The following ANKS1A variants were observed in gnomAD, a reference collection of about 807,000 sequenced individuals.
The protein encoded by ANKS1A is ankyrin repeat and sterile alpha motif domain containing 1A, also known as ankyrin repeat and SAM domain-containing protein 1A.
Under a neutral mutation model 120.3 loss-of-function variants are expected in ANKS1A, and 55 were observed. The observed-to-expected ratio is 0.46, with a 90% CI of 0.37 to 0.57. The LOEUF (loss-of-function observed/expected upper bound fraction) is 0.57, where lower values mean the gene tolerates loss of function less well. Ranked by LOEUF, ANKS1A falls within the 20% of genes least tolerant of loss-of-function variation. The pLI is 0.00. For synonymous variants in ANKS1A, 590 were observed against 604.7 expected (o/e 0.98, Z 0.36); for missense variants, 1,123 against 1,480.3 (o/e 0.76, Z 3.96).
Position 35,089,000 on chromosome 6 carries a change from G to C in ANKS1A, c.*391G>C, listed in dbSNP as rs1778153553. Reference sequence around the variant, plus strand: ...GCAGAGGACAGGGGAGCTGAGGTTGGTTCAGAGGCCAGCCTGCATAGCCTC... The same window carrying C: ...GCAGAGGACAGGGGAGCTGAGGTTGCTTCAGAGGCCAGCCTGCATAGCCTC... On this transcript the variant is annotated 3_prime_UTR_variant, in exon 24 of 24. Coordinates refer to ENST00000360359, the MANE Select transcript of ANKS1A (RefSeq NM_015245.3). 4 of 1,166,882 alleles carry C rather than the reference G, an allele frequency of 3.4e-6. No individual in the cohort carries two copies. In the South Asian group the frequency reaches 8.6e-5, roughly 25 times the overall value. 72.3% of individuals were successfully genotyped at this position (1,166,882 alleles called of 1,614,324 possible).
intron 12 of ANKS1A, among the ~76,000 whole-genome samples, chr6:35,056,537 C>T (rs1776234388): frequency 6.6e-6 from 1 of 152,172 alleles, no homozygotes. Context: ...ATCCACCCTC[C>T]TCGGCCTCCC....
chr6:34,946,630 A>G (rs1481617593), intron 1 of ANKS1A, among the ~76,000 whole-genome samples: 1 of 151,524 alleles, frequency 6.6e-6, no homozygotes, highest in Non-Finnish European at 1.5e-5. Flanking sequence ...GATGTTTATC[A>G]ATTTCATTGA....
chr6:34,955,758 A>G (rs1199137743), intron 1 of ANKS1A, among the ~76,000 whole-genome samples: 3 of 152,158 alleles, frequency 2.0e-5, no homozygotes, highest in East Asian at 3.9e-4. Flanking sequence ...CTGCATGTCT[A>G]AAAATATCCA....
chr6:35,043,992 G>A (rs1228026381), intron 11 of ANKS1A, among the ~76,000 whole-genome samples: 2 of 152,164 alleles, frequency 1.3e-5, no homozygotes, highest in East Asian at 1.9e-4. Context: ...GAGTCTCTTC[G>A]AAGTACTTAC....
intron 14 of ANKS1A, among the ~76,000 whole-genome samples, chr6:35,079,168 G>A (rs970988713): frequency 1.3e-5 from 2 of 152,294 alleles, no homozygotes; most frequent in East Asian, 1.9e-4. Flanking sequence ...CTTGGGAAGC[G>A]CCCGCTCTGA....
At chr6:35,020,121 T>C (rs1463621853) in intron 11 of ANKS1A, among the ~76,000 whole-genome samples, 1 of 151,962 alleles carries the variant, frequency 6.6e-6, no homozygotes, top group East Asian at 1.9e-4. Context: ...TTGCACCAGG[T>C]AGTGAGAGGG....
chr6:35,080,643 G>A (rs1010596541), intron 16 of ANKS1A, among the ~76,000 whole-genome samples: 7 of 152,248 alleles, frequency 4.6e-5, no homozygotes, highest in Non-Finnish European at 8.8e-5. Flanking sequence ...TGAGAAGCCA[G>A]GATTGTATTC....
At chr6:34,926,131 C>T (rs183417735) in intron 1 of ANKS1A, among the ~76,000 whole-genome samples, 5 of 152,294 alleles carry the variant, frequency 3.3e-5, no homozygotes, top group Non-Finnish European at 7.4e-5. Flanking sequence ...GTAGTTCCCT[C>T]TGTGGTATGG....
Position 35,088,905 on chromosome 6 carries a change from A to T in ANKS1A, c.*296A>T, listed in dbSNP as rs1403757700. ...TTTAACAGAAAAAAAATCTTTTTAT[A>T]AAATGAACTTTTAACACTTGGCTCA... On this transcript the variant is annotated 3_prime_UTR_variant, in exon 24 of 24. Transcript: ENST00000360359. 1 of 1,390,244 alleles carries T rather than the reference A, an allele frequency of 7.2e-7. No individual in the cohort carries two copies. Among genetic ancestry groups the T allele is most frequent in the African/African-American group, 1.5e-5 (1 of 68,766 alleles). 86.1% of individuals were successfully genotyped at this position (1,390,244 alleles called of 1,614,324 possible).
chr6:34,936,358 G>A (rs1456588494), intron 1 of ANKS1A, among the ~76,000 whole-genome samples: 2 of 152,192 alleles, frequency 1.3e-5, no homozygotes, highest in African/African-American at 4.8e-5. Context: ...GGAGGCCTTT[G>A]GAGGGCCTTT....
chr6:35,014,800 T>G (rs1773920142), intron 10 of ANKS1A, among the ~76,000 whole-genome samples: 1 of 152,212 alleles, frequency 6.6e-6, no homozygotes, highest in Admixed American at 6.5e-5. Context: ...CATTGTACCT[T>G]GGGCCAGGAT....
At chr6:35,078,000 T>C (rs527836104) in intron 13 of ANKS1A, among the ~76,000 whole-genome samples, 1 of 152,260 alleles carries the variant, frequency 6.6e-6, no homozygotes, top group South Asian at 2.1e-4. Flanking sequence ...AGTGGAGGTC[T>C]CAGAAAACAG....
intron 1 of ANKS1A, among the ~76,000 whole-genome samples, chr6:34,964,359 C>G (rs1770792913): frequency 6.6e-6 from 1 of 152,166 alleles, no homozygotes; most frequent in Non-Finnish European, 1.5e-5. Context: ...AGGAAAGTCT[C>G]TCTTCATCAT....
In ANKS1A at chr6:35,091,236, A is replaced by G. The variant is rs1404114244; in HGVS notation, c.*2627A>G. On this transcript the variant is annotated 3_prime_UTR_variant, in exon 24 of 24. Transcript: ENST00000360359. ...TAATCTGTCTGATTTTGTCTGAATTATAAACACTTTGAGGTACCAAACATA... is the reference window on the plus strand; with the variant it reads ...TAATCTGTCTGATTTTGTCTGAATTGTAAACACTTTGAGGTACCAAACATA... The G allele has an allele frequency of 1.0e-6, 1 of 985,802 alleles. No individual in the cohort carries two copies. Among genetic ancestry groups the G allele is most frequent in the African/African-American group, 1.7e-5 (1 of 57,258 alleles). 61.1% of individuals were successfully genotyped at this position (985,802 alleles called of 1,614,324 possible).
rs1322808214 is a variant in ANKS1A at position 34,982,707 on chromosome 6, A to T, written c.733-45A>T. ...CCTTTGTCACGTGAAGCCGCACCAA[A>T]CTGTTCTGATGACATCCCGCTCTGC... On this transcript the variant is annotated intron_variant, in intron 4 of 23. Coordinates refer to ENST00000360359, the MANE Select transcript of ANKS1A (RefSeq NM_015245.3). This position sits in a 1 kb window ranked among gnomAD's most constrained non-coding sequence, Gnocchi z 4.9. 1 of 1,606,368 alleles carries T rather than the reference A, an allele frequency of 6.2e-7. No homozygotes were observed. Among genetic ancestry groups the T allele is most frequent in the South Asian group, 1.1e-5 (1 of 90,900 alleles).
rs1051982702 is a variant in ANKS1A, at chr6:35,060,945, C to T, written c.2184+692C>T. ...CTGATCAGGGTACCTGTCACTGTCC[C>T]TCTCTTGGAAGCCCTTCTAGAGGCA... is the stretch of plus-strand genomic sequence containing the variant. On this transcript the variant is annotated intron_variant, in intron 13 of 23. Coordinates refer to ENST00000360359, the MANE Select transcript of ANKS1A (RefSeq NM_015245.3). This position sits in a 1 kb window ranked among gnomAD's most constrained non-coding sequence, Gnocchi z 4.5. Among the ~76,000 whole-genome samples, 2 of 152,362 alleles carry T rather than the reference C, an allele frequency of 1.3e-5. No individual in the cohort carries two copies. Among genetic ancestry groups the T allele is most frequent in the Non-Finnish European group, 2.9e-5 (2 of 68,034 alleles).
At chr6:35,077,607 G>A (rs908127069) in intron 13 of ANKS1A, among the ~76,000 whole-genome samples, 1 of 152,324 alleles carries the variant, frequency 6.6e-6, no homozygotes, top group East Asian at 1.9e-4. Context: ...AGGCCACACT[G>A]TGTATTTTAA....
chr6:35,061,803 G>A (rs1188076954), intron 13 of ANKS1A, among the ~76,000 whole-genome samples: 2 of 152,188 alleles, frequency 1.3e-5, no homozygotes, highest in East Asian at 1.9e-4. Flanking sequence ...TGACAAACTC[G>A]GGGTGGAGAG....
At chr6:34,970,232 A>T in intron 3 of ANKS1A, 66 bp downstream of exon 3, 1 of 1,505,090 alleles carries the variant, frequency 6.6e-7, no homozygotes, top group Non-Finnish European at 8.9e-7. Context: ...CCCCATCACC[A>T]TCTTAGCCCC....
Sources: allele counts gnomAD v4.1 joint callset (sites outside exome capture counted in the v4.1 genomes callset), GRCh38; gene constraint gnomAD v4.1.1; non-coding constraint Gnocchi (gnomAD v3.1); transcripts MANE v1.5; gene names NCBI Gene and HGNC (gene_info 2026-07-23, HGNC 2026-07-21).